VDAC3: variants seen among roughly 807,000 people sequenced by gnomAD.
VDAC3 encodes the protein non-selective voltage-gated ion channel VDAC3.
A neutral mutation model predicts 33.9 loss-of-function variants in VDAC3; 7 were observed. The observed-to-expected ratio is 0.21, with a 90% CI of 0.12 to 0.39. The LOEUF (loss-of-function observed/expected upper bound fraction) is 0.39. Ranked by LOEUF, VDAC3 falls within the 10% of genes least tolerant of loss-of-function variation. The pLI, the probability that VDAC3 is intolerant of heterozygous loss-of-function variation, is 1.00. For missense variants in VDAC3, 261 were observed against 334.5 expected (o/e 0.78, Z 1.71); for synonymous variants, 100 against 122.4 (o/e 0.82, Z 1.21).
intron 4 of VDAC3, 116 bp from the exon 5 acceptor site, chr8:42,398,596 G>C: frequency 9.0e-7 from 1 of 1,112,364 alleles, no homozygotes; most frequent in Non-Finnish European, 1.2e-6. Flanking sequence ...TCTAGAGTAG[G>C]GCTGTGGCAA....
chr8:42,402,126 C>T (rs1802425560), intron 7 of VDAC3, 111 bp downstream of exon 7: 2 of 1,180,030 alleles, frequency 1.7e-6, no homozygotes, highest in Non-Finnish European at 1.2e-6. Flanking sequence ...TGGTGAATAT[C>T]CATCCTTGCG....
chr8:42,402,117 G>A, intron 7 of VDAC3, 102 bp downstream of exon 7: 1 of 1,231,900 alleles, frequency 8.1e-7, no homozygotes, highest in African/African-American at 1.5e-5. Flanking sequence ...AGCATGCCTT[G>A]GTGAATATCC....
Position 42,405,728 on chromosome 8 carries a change from G to T in VDAC3, c.*266G>T. ...ATTAAATGTGTTCCTCAGCGACAGT[G>T]TAGCGTCATGTTAGAGGAGACGATC... On this transcript the variant is annotated 3_prime_UTR_variant, in exon 10 of 10. Coordinates refer to ENST00000022615, the MANE Select transcript of VDAC3 (RefSeq NM_005662.7). The T allele has an allele frequency of 2.8e-6, 1 of 363,122 alleles. No homozygotes were observed. The highest frequency in any genetic ancestry group is 5.1e-6 in the Non-Finnish European group (1 of 196,014). The allele number at this position is 363,122 out of a possible 1,614,324, so 22.5% of individuals were successfully genotyped here.
intron 5 of VDAC3, among the ~76,000 whole-genome samples, chr8:42,399,347 A>C (rs1179988351): frequency 1.3e-5 from 2 of 152,202 alleles, no homozygotes; most frequent in African/African-American, 4.8e-5. Context: ...TTATCTCATT[A>C]CTGCTCTTTC....
chr8:42,403,380 C>T lies in VDAC3; in HGVS notation c.621C>T (p.Asn207=), dbSNP rs1400976816. The change falls in exon 8 of 10, where the codon AAC becomes AAT. Residue 207 remains asparagine (N), a synonymous_variant. Transcript: ENST00000022615. ...KVNEKIETSI[N]LAWTAGSNNT... ...ATGAGAAGATTGAAACATCCATAAA[C>T]CTTGCTTGGACAGCTGGGAGTAACA... The T allele has an allele frequency of 6.2e-7, 1 of 1,613,620 alleles. No homozygotes were observed. The highest frequency in any genetic ancestry group is 1.1e-5 in the South Asian group (1 of 90,886).
At position 42,399,689 on chromosome 8, in the gene VDAC3, T is replaced by C. The variant is rs1166493646; in HGVS notation, c.309T>C (p.Phe103=). 1.9e-6 allele frequency: 3 copies of C among 1,612,136 alleles called. No homozygotes were observed. The highest frequency in any genetic ancestry group is 2.5e-6 in the Non-Finnish European group (3 of 1,178,922). Residue 103 remains phenylalanine, a synonymous_variant, in exon 6 of 10, where the codon TTT becomes TTC. Coordinates refer to ENST00000022615, the MANE Select transcript of VDAC3 (RefSeq NM_005662.7). The part of the protein sequence containing the change: ...EGLKLTLDTI[F]VPNTGKKSGK... ...TGAAACTGACTCTTGATACCATATT[T>C]GTACCGAACACAGGGTAATTATTCA...
chr8:42,403,322 C>T lies in VDAC3; in HGVS notation c.563C>T (p.Thr188Ile), dbSNP rs777209100. ...ATCTATGAAAACAGGAACGATGGCA[C>T]TGAATTTGGAGGTTCTATCTACCAG... is the stretch of plus-strand genomic sequence containing the variant. ...FQLHTHVNDGTEFGGSIYQKV... is the reference protein window; with the variant it reads ...FQLHTHVNDGIEFGGSIYQKV... Residue 188 changes from threonine to isoleucine, a missense_variant, in exon 8 of 10, where the codon ACT becomes ATT. By Grantham distance (89) the Thr-to-Ile change is moderately conservative. Coordinates refer to ENST00000022615, the MANE Select transcript of VDAC3 (RefSeq NM_005662.7). 44 of 1,614,046 alleles carry T rather than the reference C, an allele frequency of 2.7e-5. No individual in the cohort carries two copies. The highest frequency in any genetic ancestry group is 5.0e-5 in the Admixed American group (3 of 59,986).
rs551679533 is a variant in VDAC3 at position 42,399,223 on chromosome 8, A to T, written c.270+359A>T. ...TGTTTTCAAGGAGAAAATCTATTAG[A>T]TATAGTCAAGTGCCCACTATGTACA... On this transcript the variant is annotated intron_variant, in intron 5 of 9. Coordinates refer to ENST00000022615, the MANE Select transcript of VDAC3 (RefSeq NM_005662.7). Among the ~76,000 whole-genome samples, 37 of 152,312 alleles carry T rather than the reference A, an allele frequency of 2.4e-4. 1 individual carries two copies. The South Asian group carries it at 7.7e-3, about 32-fold the overall frequency.
At position 42,404,931 on chromosome 8, in the gene VDAC3, A is replaced by T. The variant is rs1802473624; in HGVS notation, c.760+7A>T. ...ACTCAGACCCTTCGACCAGGTAAGT[A>T]AAGGAATTAGTAACAGAGGGGTTGA... On this transcript the variant is annotated splice_region_variant and intron_variant, in intron 9 of 9. Coordinates refer to ENST00000022615, the MANE Select transcript of VDAC3 (RefSeq NM_005662.7). 6.2e-7 allele frequency: 1 copy of T among 1,613,226 alleles called. No homozygotes were observed. The highest frequency in any genetic ancestry group is 8.5e-7 in the Non-Finnish European group (1 of 1,179,430).
In VDAC3 at chr8:42,395,066, G is replaced by A; in HGVS notation, c.68-18G>A. 1 of 1,553,872 alleles carries A rather than the reference G, an allele frequency of 6.4e-7. No homozygotes were observed. Among genetic ancestry groups the A allele is most frequent in the African/African-American group, 1.4e-5 (1 of 73,558 alleles). On this transcript the variant is annotated intron_variant, in intron 3 of 9. Transcript: ENST00000022615. ...ACATTTTGTACATTACTGTGTTTTTGTGTGTGTGTGTGTATAGGCTTTGGC... is the reference window on the plus strand; with the variant it reads ...ACATTTTGTACATTACTGTGTTTTTATGTGTGTGTGTGTATAGGCTTTGGC...
chr8:42,399,511 T>C, intron 5 of VDAC3, 140 bp from the exon 6 acceptor site: 2 of 646,588 alleles, frequency 3.1e-6, no homozygotes, highest in Non-Finnish European at 5.2e-6. Context: ...AGAGCTTACT[T>C]ATTACATAAT....
intron 3 of VDAC3, 96 bp from the exon 4 acceptor site, chr8:42,394,988 A>G: frequency 7.2e-7 from 1 of 1,383,604 alleles, no homozygotes. Flanking sequence ...TTTCATATGG[A>G]AGGTACTATA....
At chr8:42,395,497 T>G (rs1802294669) in intron 4 of VDAC3, among the ~76,000 whole-genome samples, 1 of 152,258 alleles carries the variant, frequency 6.6e-6, no homozygotes, top group South Asian at 2.1e-4. Context: ...AAATTAACTT[T>G]ACTCTGCCCC....
At chr8:42,401,767 T>G (rs777789835) in intron 6 of VDAC3, 21 bp from the exon 7 acceptor site, 1 of 1,604,664 alleles carries the variant, frequency 6.2e-7, no homozygotes, top group Non-Finnish European at 8.5e-7. Context: ...TCATTTGCTT[T>G]TGTTTGTTTG....
At chr8:42,402,175 G>A in intron 7 of VDAC3, 160 bp downstream of exon 7, 1 of 786,534 alleles carries the variant, frequency 1.3e-6, no homozygotes. Flanking sequence ...GGAGGCTGGT[G>A]CACGTGGTGT....
intron 1 of VDAC3, among the ~76,000 whole-genome samples, chr8:42,392,182 C>T (rs1247270293): frequency 6.6e-6 from 1 of 152,214 alleles, no homozygotes; most frequent in East Asian, 1.9e-4. Context: ...GTGGACCGCA[C>T]TTTCCTCCCA....
chr8:42,396,933 A>T, intron 4 of VDAC3: 1 of 435,294 alleles, frequency 2.3e-6, no homozygotes, highest in African/African-American at 2.0e-5. Flanking sequence ...TTATGAAATT[A>T]GACACAAACT....
At chr8:42,395,958 TA>T (rs543863402) in intron 4 of VDAC3, among the ~76,000 whole-genome samples, 26,702 of 119,820 alleles carry the variant, frequency 0.22, 5,320 homozygotes, top group African/African-American at 0.55. Flanking sequence ...GACTTTGTCT[TA>T]AAAAAAAAAA....
intron 4 of VDAC3, 46 bp downstream of exon 4, chr8:42,395,179 AAGGAAT>A (rs1441673146): frequency 6.2e-7 from 1 of 1,610,114 alleles, no homozygotes; most frequent in Non-Finnish European, 8.5e-7. Flanking sequence ...AATTAACTTA[AAGGAAT>A]CTGTTTAAAA....
Sources: allele counts gnomAD v4.1 joint callset (sites outside exome capture counted in the v4.1 genomes callset), GRCh38; gene constraint gnomAD v4.1.1; transcripts MANE v1.5; gene names NCBI Gene and HGNC (gene_info 2026-07-23, HGNC 2026-07-21).